The following MRPL19 variants were observed in gnomAD, a reference collection of about 807,000 sequenced individuals.
MRPL19 encodes mitochondrial ribosomal protein L19, also known as large ribosomal subunit protein bL19m.
Under a neutral mutation model 34.0 loss-of-function variants are expected in MRPL19, and 31 were observed. That is an observed-to-expected ratio of 0.91 (90% confidence interval 0.68 to 1.23). MRPL19 has a LOEUF of 1.23. MRPL19 is among the 50% of genes most tolerant of loss of function. The probability of loss-of-function intolerance (pLI) is 0.00; values close to 1 mark genes in which losing one functional copy is unlikely to be tolerated. For synonymous variants in MRPL19, 152 were observed against 127.7 expected, an observed-to-expected ratio of 1.19 and a Z score of -1.28; for missense variants, 384 against 367.6, an observed-to-expected ratio of 1.04 and a Z score of -0.37.
intron 2 of MRPL19, among the ~76,000 whole-genome samples, chr2:75,648,386 G>A (rs965810568): frequency 4.6e-5 from 7 of 152,048 alleles, no homozygotes; most frequent in Non-Finnish European, 8.8e-5. Flanking sequence ...AAAATTTAGA[G>A]GCAGCCTAGA....
chr2:75,657,967 AATT>A lies in MRPL19; in HGVS notation c.*2687_*2689del, dbSNP rs1307891304. 3.3e-5 allele frequency: 5 copies of A among 152,252 alleles called. No individual in the cohort carries two copies. The East Asian group carries it at 9.6e-4, about 29-fold the overall frequency. 9.4% of individuals were successfully genotyped at this position (152,252 alleles called of 1,614,324 possible). On this transcript the variant is annotated 3_prime_UTR_variant, in exon 6 of 6. Transcript: ENST00000393909. Reference sequence around the variant, plus strand: ...CATTAATTACATCACAATGTTGTGAAATTATTACTACTATTTCCAAAATTTTCT... The same window carrying A: ...CATTAATTACATCACAATGTTGTGAAATTACTACTATTTCCAAAATTTTCT...
At chr2:75,655,030 CTTTTT>C (rs35367062) in intron 5 of MRPL19, 29 bp from the exon 6 acceptor site, 873 of 1,155,260 alleles carry the variant, frequency 7.6e-4, no homozygotes, top group Non-Finnish European at 8.8e-4. Context: ...CTAATTATTG[CTTTTT>C]TTTTTTTTTT....
At chr2:75,652,094 A>C in intron 2 of MRPL19, 48 bp from the exon 3 acceptor site, 1 of 1,129,476 alleles carries the variant, frequency 8.9e-7, no homozygotes. Context: ...TTTTTCTTCT[A>C]GCAGCCTTTT....
At chr2:75,648,631 G>A (rs921750934) in intron 2 of MRPL19, among the ~76,000 whole-genome samples, 4 of 151,992 alleles carry the variant, frequency 2.6e-5, no homozygotes, top group African/African-American at 4.8e-5. Flanking sequence ...AGGCCGAGGA[G>A]GGCAGATCAC....
Position 75,662,081 on chromosome 2 carries a change from A to ATGAT in MRPL19, c.*6799_*6802dup, listed in dbSNP as rs2104150990. The ATGAT allele has an allele frequency of 6.6e-6, 1 of 152,268 alleles. No individual in the cohort carries two copies. The highest frequency in any genetic ancestry group is 1.9e-4 in the East Asian group (1 of 5,178). 9.4% of individuals were successfully genotyped at this position (152,268 alleles called of 1,614,324 possible). On this transcript the variant is annotated 3_prime_UTR_variant, in exon 6 of 6. Transcript: ENST00000393909. ...AAACACTTTTTCGGTAATAATTGAGATGATTGGTTCTGCAGTCATCGAGAT... is the reference window on the plus strand; with the variant it reads ...AAACACTTTTTCGGTAATAATTGAGATGATTGATTGGTTCTGCAGTCATCGAGAT...
chr2:75,655,480 A>C lies in MRPL19; in HGVS notation c.*195A>C. 2 of 475,012 alleles carry C rather than the reference A, an allele frequency of 4.2e-6. No homozygotes were observed. Among genetic ancestry groups the C allele is most frequent in the East Asian group, 3.6e-5 (1 of 28,088 alleles). 29.4% of individuals were successfully genotyped at this position (475,012 alleles called of 1,614,324 possible). A position where few individuals can be genotyped will look rare whatever the true frequency, so the allele number is the denominator to read the frequency against. The stretch of plus-strand genomic sequence containing the variant: ...CTAAAAAGAGAATTACACATGCCAA[A>C]TGGACCAATGTCCATTTGCTTATTG... On this transcript the variant is annotated 3_prime_UTR_variant, in exon 6 of 6. Transcript: ENST00000393909.
intron 4 of MRPL19, among the ~76,000 whole-genome samples, chr2:75,653,766 A>G (rs1344367509): frequency 6.6e-6 from 1 of 152,224 alleles, no homozygotes; most frequent in Non-Finnish European, 1.5e-5. Context: ...ATGTCTTACC[A>G]GCATAAGTTG....
At position 75,655,155 on chromosome 2, in the gene MRPL19, C is replaced by G; in HGVS notation, c.749C>G (p.Thr250Ser). 1 of 1,600,820 alleles carries G rather than the reference C, an allele frequency of 6.2e-7. No homozygotes were observed. The highest frequency in any genetic ancestry group is 1.1e-5 in the South Asian group (1 of 90,722). ...IKGIRFDLCLTEQQMKEAQKW... is the reference protein window; with the variant it reads ...IKGIRFDLCLSEQQMKEAQKW... ...GGAATCAGATTTGATCTTTGTTTAACTGAACAGCAAATGAAAGAAGCTCAG... is the reference window on the plus strand; with the variant it reads ...GGAATCAGATTTGATCTTTGTTTAAGTGAACAGCAAATGAAAGAAGCTCAG... The change falls in exon 6 of 6, where the codon ACT becomes AGT. Residue 250 changes from threonine (T) to serine (S), a missense_variant. Physicochemically the swap from Thr to Ser is moderately conservative, Grantham distance 58. Coordinates refer to ENST00000393909, the MANE Select transcript of MRPL19 (RefSeq NM_014763.4).
chr2:75,654,844 C>G lies in MRPL19; in HGVS notation c.584C>G (p.Pro195Arg), dbSNP rs1678405359. Residue 195 changes from proline to arginine, a missense_variant, in exon 5 of 6, where the codon CCT becomes CGT. By Grantham distance (103) the Pro-to-Arg change is moderately radical. Coordinates refer to ENST00000393909, the MANE Select transcript of MRPL19 (RefSeq NM_014763.4). ...TTGCTATACTTACGAGATGCCCTTC[C>G]TGAATATAGCACTTTTGATGTGAAT... ...DSLLYLRDAL[P>R]EYSTFDVNMK... The G allele has an allele frequency of 1.9e-6, 3 of 1,613,780 alleles. No individual in the cohort carries two copies. The African/African-American group carries it at 4.0e-5, about 22-fold the overall frequency.
Position 75,658,204 on chromosome 2 carries a change from A to G in MRPL19, c.*2919A>G, listed in dbSNP as rs1678508250. 6.6e-6 allele frequency among the ~76,000 whole-genome samples: 1 copy of G among 152,054 alleles called. No individual in the cohort carries two copies. The highest frequency in any genetic ancestry group is 6.6e-5 in the Admixed American group (1 of 15,246). On this transcript the variant is annotated 3_prime_UTR_variant, in exon 6 of 6. Coordinates refer to ENST00000393909, the MANE Select transcript of MRPL19 (RefSeq NM_014763.4). ...ATCCTCCTTGAGTAGCTAAGACTAT[A>G]GGCACACATTAACTGCGCCTGGCTG... is the stretch of plus-strand genomic sequence containing the variant.
chr2:75,659,928 T>C lies in MRPL19; in HGVS notation c.*4643T>C, dbSNP rs995294843. On this transcript the variant is annotated 3_prime_UTR_variant, in exon 6 of 6. Transcript: ENST00000393909. Reference sequence around the variant, plus strand: ...TATGTCTTTTATCAAATTTTGGACATATTTGGCTATTATTTCTTCAATTTT... The same window carrying C: ...TATGTCTTTTATCAAATTTTGGACACATTTGGCTATTATTTCTTCAATTTT... Among the ~76,000 whole-genome samples the C allele has an allele frequency of 6.6e-6, 1 of 152,154 alleles. No individual in the cohort carries two copies. The highest frequency in any genetic ancestry group is 2.4e-5 in the African/African-American group (1 of 41,456).
rs1024558181 is a variant in MRPL19, at chr2:75,646,819, C to T, written c.12C>T (p.Cys4=). Residue 4 remains cysteine, a synonymous_variant, in exon 1 of 6, where the codon TGC becomes TGT. Coordinates refer to ENST00000393909, the MANE Select transcript of MRPL19 (RefSeq NM_014763.4). MAA[C]IAAGHWAAMG... ...GTGAGCTAGCTGGCATGGCGGCCTG[C>T]ATTGCAGCGGGGCACTGGGCTGCAA... The T allele has an allele frequency of 1.4e-5, 22 of 1,548,366 alleles. No individual in the cohort carries two copies. Among genetic ancestry groups the T allele is most frequent in the Admixed American group, 2.0e-5 (1 of 50,122 alleles).
chr2:75,652,147 T>C lies in MRPL19; in HGVS notation c.227T>C (p.Leu76Ser). The change falls in exon 3 of 6, where the codon TTG (leucine) becomes TCG (serine). Residue 76 changes from leucine (L) to serine (S), a missense_variant. By Grantham distance (145) the Leu-to-Ser change is moderately radical. Transcript: ENST00000393909. ...HRPVEPERRF[L>S]SPEFIPRRGR... is the part of the protein sequence containing the mutation. Reference sequence around the variant, plus strand: ...TTTATTTGTATTTTTTACAGGTTCTTGAGTCCTGAATTCATTCCTCGAAGG... The same window carrying C: ...TTTATTTGTATTTTTTACAGGTTCTCGAGTCCTGAATTCATTCCTCGAAGG... 1 of 1,552,220 alleles carries C rather than the reference T, an allele frequency of 6.4e-7. No individual in the cohort carries two copies. Among genetic ancestry groups the C allele is most frequent in the Non-Finnish European group, 8.7e-7 (1 of 1,145,166 alleles).
chr2:75,655,257 A>T lies in MRPL19; in HGVS notation c.851A>T (p.Lys284Met). ...DTSKIEAAIW[K>M]EIEASKRS ...TCAAAAATTGAAGCTGCAATATGGA[A>T]GGAAATTGAAGCGTCGAAAAGGTCT... Residue 284 changes from lysine (K) to methionine (M), a missense_variant, in exon 6 of 6, where the codon AAG becomes ATG. Transcript: ENST00000393909. The T allele has an allele frequency of 6.2e-7, 1 of 1,613,104 alleles. No individual in the cohort carries two copies. Among genetic ancestry groups the T allele is most frequent in the African/African-American group, 1.3e-5 (1 of 74,982 alleles).
At chr2:75,655,006 T>A in intron 5 of MRPL19, 58 bp from the exon 6 acceptor site, 3 of 1,418,652 alleles carry the variant, frequency 2.1e-6, no homozygotes, top group Non-Finnish European at 2.9e-6. Flanking sequence ...GAATTTTTGC[T>A]CATGCCTATC....
In MRPL19 at chr2:75,659,119, T is replaced by C. The variant is rs1039338392; in HGVS notation, c.*3834T>C. On this transcript the variant is annotated 3_prime_UTR_variant, in exon 6 of 6. Transcript: ENST00000393909. ...CTCTTTATGGCCTTCTTTTCTGTTTTTTTGTAGTGAACTAGTCTGATTCTC... is the reference window on the plus strand; with the variant it reads ...CTCTTTATGGCCTTCTTTTCTGTTTCTTTGTAGTGAACTAGTCTGATTCTC... 2.0e-5 allele frequency among the ~76,000 whole-genome samples: 3 copies of C among 152,126 alleles called. No homozygotes were observed. Among genetic ancestry groups the C allele is most frequent in the African/African-American group, 7.2e-5 (3 of 41,438 alleles).
chr2:75,655,296 G>T lies in MRPL19; in HGVS notation c.*11G>T. 6.2e-7 allele frequency: 1 copy of T among 1,600,992 alleles called. No homozygotes were observed. Among genetic ancestry groups the T allele is most frequent in the South Asian group, 1.1e-5 (1 of 89,970 alleles). On this transcript the variant is annotated 3_prime_UTR_variant, in exon 6 of 6. Coordinates refer to ENST00000393909, the MANE Select transcript of MRPL19 (RefSeq NM_014763.4). ...TCGAAAAGGTCTTGATTCTGAGAAT[G>T]AATTTGGTTAGTTGCAGAAGATACA... is the stretch of plus-strand genomic sequence containing the variant.
Position 75,655,220 on chromosome 2 carries a change from G to T in MRPL19, c.814G>T (p.Glu272Ter), listed in dbSNP as rs201330676. The T allele has an allele frequency of 6.2e-7, 1 of 1,613,316 alleles. No homozygotes were observed. Among genetic ancestry groups the T allele is most frequent in the Admixed American group, 1.7e-5 (1 of 59,906 alleles). ...QPWLEFDMMR[E>*]YDTSKIEAAI... ...ATGGCTTGAATTTGATATGATGAGG[G>T]AATATGATACTTCAAAAATTGAAGC... The change falls in exon 6 of 6, where the codon GAA becomes TAA. Residue 272 changes from glutamate (E) to a stop codon, truncating the protein, a stop_gained. Transcript: ENST00000393909. LOFTEE classifies it high-confidence loss of function.
chr2:75,656,419 C>T lies in MRPL19; in HGVS notation c.*1134C>T, dbSNP rs1277233900. 6.6e-6 allele frequency: 1 copy of T among 152,198 alleles called. No individual in the cohort carries two copies. Among genetic ancestry groups the T allele is most frequent in the African/African-American group, 2.4e-5 (1 of 41,448 alleles). The allele number at this position is 152,198 out of a possible 1,614,324, so 9.4% of individuals were successfully genotyped here. Reference sequence around the variant, plus strand: ...GATCTGCCCTCTGGTTCCTAGCTGTCTTGGGACTAACTTCTTTCCTGCGCT... The same window carrying T: ...GATCTGCCCTCTGGTTCCTAGCTGTTTTGGGACTAACTTCTTTCCTGCGCT... On this transcript the variant is annotated 3_prime_UTR_variant, in exon 6 of 6. Coordinates refer to ENST00000393909, the MANE Select transcript of MRPL19 (RefSeq NM_014763.4).
Sources: allele counts gnomAD v4.1 joint callset (sites outside exome capture counted in the v4.1 genomes callset), GRCh38; gene constraint gnomAD v4.1.1; transcripts MANE v1.5; gene names NCBI Gene and HGNC (gene_info 2026-07-23, HGNC 2026-07-21).